The following TBC1D5 variants were observed in gnomAD, a reference collection of about 807,000 sequenced individuals.
The protein encoded by TBC1D5 is TBC1 domain family, member 5.
Under a neutral mutation model 100.3 loss-of-function variants are expected in TBC1D5, and 75 were observed. The observed-to-expected ratio is 0.75, with a 90% CI of 0.62 to 0.91. The LOEUF (loss-of-function observed/expected upper bound fraction) is 0.91. TBC1D5 is among the 40% of genes least tolerant of loss of function. The pLI, the probability that TBC1D5 is intolerant of heterozygous loss-of-function variation, is 0.00. For synonymous variants in TBC1D5, 323 were observed against 325.6 expected, an observed-to-expected ratio of 0.99 and a Z score of 0.09; for missense variants, 910 against 942.4, an observed-to-expected ratio of 0.97 and a Z score of 0.45.
intron 19 of TBC1D5, among the ~76,000 whole-genome samples, chr3:17,171,952 C>A (rs2067211750): frequency 6.6e-6 from 1 of 152,178 alleles, no homozygotes; most frequent in South Asian, 2.1e-4. Flanking sequence ...AGTGGGTGCA[C>A]CCAAGAAGAG....
intron 18 of TBC1D5, among the ~76,000 whole-genome samples, chr3:17,202,098 G>GATAT (rs2071533469): frequency 6.6e-6 from 1 of 152,208 alleles, no homozygotes. Context: ...TGCTGATAGT[G>GATAT]ATATAGGCAA....
At chr3:17,442,664 G>A (rs536694046) in intron 3 of TBC1D5, among the ~76,000 whole-genome samples, 24 of 152,236 alleles carry the variant, frequency 1.6e-4, no homozygotes, top group African/African-American at 4.8e-4. Flanking sequence ...CTTTGAGAAC[G>A]GAACCATAAT....
At chr3:17,366,120 T>TC (rs2092110751) in intron 13 of TBC1D5, among the ~76,000 whole-genome samples, 2 of 151,996 alleles carry the variant, frequency 1.3e-5, no homozygotes, top group Admixed American at 1.3e-4. Flanking sequence ...TGAAACCTTG[T>TC]CTTTACCAAA....
chr3:17,285,287 G>A lies in TBC1D5; in HGVS notation c.1245+6608C>T, dbSNP rs1252658973. 4.2e-5 allele frequency among the ~76,000 whole-genome samples: 5 copies of A among 120,152 alleles called. No individual in the cohort carries two copies. The Admixed American group carries it at 5.4e-4, about 13-fold the overall frequency. 78.8% of individuals were successfully genotyped at this position (120,152 alleles called of 152,430 possible). On this transcript the variant is annotated intron_variant, in intron 15 of 21. Coordinates refer to ENST00000253692, the Ensembl canonical transcript of TBC1D5. ...TTTTTTTTTTTTTTTTTGAGACGGA[G>A]TCTCGCTCTGTCGCCCAGGCTGGAG...
At chr3:17,735,594 T>C (rs765861336) in intron 1 of TBC1D5, among the ~76,000 whole-genome samples, 12 of 152,190 alleles carry the variant, frequency 7.9e-5, no homozygotes, top group Admixed American at 1.3e-4. Context: ...GTGAGTGTTA[T>C]AGCTCTATTA....
chr3:17,522,519 G>A (rs1244372394), intron 2 of TBC1D5, among the ~76,000 whole-genome samples: 1 of 152,082 alleles, frequency 6.6e-6, no homozygotes, highest in Non-Finnish European at 1.5e-5. Flanking sequence ...GGTCTATGGT[G>A]ATTGTCAAAG....
intron 3 of TBC1D5, among the ~76,000 whole-genome samples, chr3:17,432,332 C>T (rs914584646): frequency 6.6e-6 from 1 of 152,052 alleles, no homozygotes. Context: ...TTTTAGTTAA[C>T]TTTAAAATCC....
intron 3 of TBC1D5, among the ~76,000 whole-genome samples, chr3:17,450,341 C>G (rs9867282): frequency 6.6e-6 from 1 of 152,146 alleles, no homozygotes; most frequent in Non-Finnish European, 1.5e-5. Flanking sequence ...CAAAGGATCA[C>G]AACTCCTTAC....
chr3:17,177,808 T>C (rs1209660700), intron 19 of TBC1D5, among the ~76,000 whole-genome samples: 1 of 152,208 alleles, frequency 6.6e-6, no homozygotes, highest in Non-Finnish European at 1.5e-5. Flanking sequence ...TCAGATATTT[T>C]GATACGGGCA....
chr3:17,694,457 C>A (rs571341775), intron 1 of TBC1D5, among the ~76,000 whole-genome samples: 222 of 152,200 alleles, frequency 1.5e-3, no homozygotes, highest in African/African-American at 5.2e-3. Context: ...CATGCACAAG[C>A]GTCAACAGCC....
intron 2 of TBC1D5, among the ~76,000 whole-genome samples, chr3:17,519,806 T>G (rs1254487598): frequency 6.6e-6 from 1 of 152,206 alleles, no homozygotes; most frequent in Non-Finnish European, 1.5e-5. Flanking sequence ...TGGATTATAC[T>G]ATTTGAGATA....
chr3:17,583,201 C>T (rs2096710881), intron 2 of TBC1D5, among the ~76,000 whole-genome samples: 1 of 152,028 alleles, frequency 6.6e-6, no homozygotes, highest in Non-Finnish European at 1.5e-5. Flanking sequence ...AAGAGGATTG[C>T]TCGTGCCTAG....
chr3:17,163,698 AACAG>A (rs1462487504), intron 21 of TBC1D5, among the ~76,000 whole-genome samples: 2 of 152,194 alleles, frequency 1.3e-5, no homozygotes, highest in Non-Finnish European at 2.9e-5. Context: ...AGCAGTGTTC[AACAG>A]ACATTTTCCA....
chr3:17,634,140 A>T (rs1293597943), intron 1 of TBC1D5, among the ~76,000 whole-genome samples: 1 of 152,198 alleles, frequency 6.6e-6, no homozygotes, highest in East Asian at 1.9e-4. Flanking sequence ...AAATTAGTAC[A>T]ACCATTATGG....
At chr3:17,521,798 C>T (rs983666979) in intron 2 of TBC1D5, among the ~76,000 whole-genome samples, 1 of 151,960 alleles carries the variant, frequency 6.6e-6, no homozygotes, top group South Asian at 2.1e-4. Context: ...TGATACAGCA[C>T]AAGAATCTAA....
At chr3:17,609,831 C>G (rs1403790766) in intron 2 of TBC1D5, among the ~76,000 whole-genome samples, 1 of 152,190 alleles carries the variant, frequency 6.6e-6, no homozygotes, top group Admixed American at 6.6e-5. Flanking sequence ...TCAGAGGAAA[C>G]TAGGACTGAA....
intron 13 of TBC1D5, among the ~76,000 whole-genome samples, chr3:17,319,586 A>G (rs2085127530): frequency 6.6e-6 from 1 of 152,172 alleles, no homozygotes; most frequent in African/African-American, 2.4e-5. Context: ...CAACATACAG[A>G]CATTTTTATG....
chr3:17,687,236 A>G (rs981327173), intron 1 of TBC1D5, among the ~76,000 whole-genome samples: 7 of 152,132 alleles, frequency 4.6e-5, no homozygotes, highest in African/African-American at 1.7e-4. Context: ...GTCATAAAAA[A>G]TGTTTTCTAA....
chr3:17,403,886 T>G (rs1206141540), intron 7 of TBC1D5, among the ~76,000 whole-genome samples: 1 of 152,098 alleles, frequency 6.6e-6, no homozygotes, highest in African/African-American at 2.4e-5. Context: ...AACAGAAAGG[T>G]GCTTGGATTA....
Sources: gnomAD v4.1 joint callset for allele counts (sites outside exome capture counted in the v4.1 genomes callset) on GRCh38, gnomAD v4.1.1 for gene constraint, MANE v1.5 for transcripts, NCBI Gene and HGNC (gene_info 2026-07-23, HGNC 2026-07-21) for gene names.